SYNJ2: variants seen among roughly 807,000 people sequenced by gnomAD.
SYNJ2 encodes polyphosphatidylinositol phosphatase SYNJ2.
Under a neutral mutation model 141.3 loss-of-function variants are expected in SYNJ2, and 116 were observed. The ratio of observed to expected loss-of-function variants is 0.82; its 90% CI spans 0.71 to 0.96. The LOEUF (loss-of-function observed/expected upper bound fraction) is 0.96. Ranked by LOEUF, SYNJ2 falls within the 40% of genes least tolerant of loss-of-function variation. SYNJ2 has a pLI of 0.00. For missense variants in SYNJ2, 1,873 were observed against 1,934.8 expected (o/e 0.97, Z 0.60); for synonymous variants, 745 against 777.7 (o/e 0.96, Z 0.70).
At chr6:158,053,012 G>A (rs903838972) in intron 5 of SYNJ2, among the ~76,000 whole-genome samples, 20 of 152,022 alleles carry the variant, frequency 1.3e-4, no homozygotes, top group African/African-American at 4.4e-4. Context: ...TCTGTTCCTC[G>A]GCTTTCTGTC....
intron 7 of SYNJ2, among the ~76,000 whole-genome samples, chr6:158,061,588 G>A (rs1029151295): frequency 2.0e-5 from 3 of 152,140 alleles, no homozygotes; most frequent in Non-Finnish European, 2.9e-5. Flanking sequence ...CGGGGAGCTG[G>A]ATTATGAGCT....
intron 17 of SYNJ2, chr6:158,077,753 A>G (rs1351742046): frequency 6.6e-6 from 1 of 151,866 alleles, no homozygotes; most frequent in East Asian, 1.9e-4. Flanking sequence ...TTTCCTCTAG[A>G]TGAGTTTGTG....
chr6:158,017,405 CTTTTTTTTT>C (rs34667973), intron 2 of SYNJ2, 115 bp downstream of exon 2: 56 of 600,480 alleles, frequency 9.3e-5, no homozygotes, highest in Middle Eastern at 6.0e-4. Flanking sequence ...TCTCTCTCTT[CTTTTTTTTT>C]TTTTTTTTTT....
Position 158,093,052 on chromosome 6 carries a change from C to T in SYNJ2, c.3692C>T (p.Pro1231Leu). The T allele has an allele frequency of 2.5e-6, 4 of 1,608,882 alleles. No individual in the cohort carries two copies. Among genetic ancestry groups the T allele is most frequent in the Non-Finnish European group, 3.4e-6 (4 of 1,178,804 alleles). Residue 1231 changes from proline to leucine, a missense_variant, in exon 26 of 27, where the codon CCC (proline) becomes CTC (leucine). Coordinates refer to ENST00000355585, the MANE Select transcript of SYNJ2 (RefSeq NM_003898.4). ...PQAPPLLPRR[P>L]PPRVPAIKKP... is the part of the protein sequence containing the mutation. ...GCGCCCCCACTCCTTCCCCGTCGGC[C>T]CCCACCCAGAGTTCCTGCCATCAAG...
In SYNJ2 at chr6:158,064,661, G is replaced by A. The variant is rs149967912; in HGVS notation, c.1270G>A (p.Val424Met). ...TTCAAAACCCATCGTTGACCGCTTT[G>A]TGGAGTCCTTCAAAGCCATGTGGTC... Reference protein sequence around the residue: ...LSSKPIVDRFVESFKAMWSLN... With the variant: ...LSSKPIVDRFMESFKAMWSLN... Residue 424 changes from valine to methionine, a missense_variant, in exon 10 of 27, where the codon GTG (valine) becomes ATG (methionine). Transcript: ENST00000355585. The A allele has an allele frequency of 5.0e-6, 8 of 1,614,034 alleles. No homozygotes were observed. Among genetic ancestry groups the A allele is most frequent in the African/African-American group, 2.7e-5 (2 of 74,946 alleles).
At chr6:158,029,065 T>G (rs1779217924) in intron 3 of SYNJ2, 39 bp downstream of exon 3, 1 of 1,606,124 alleles carries the variant, frequency 6.2e-7, no homozygotes, top group Non-Finnish European at 8.5e-7. Context: ...GGGCCCTGGG[T>G]CTCCTGCAGA....
chr6:158,054,809 G>C (rs1162333603), intron 5 of SYNJ2, among the ~76,000 whole-genome samples, 158 bp from the exon 6 acceptor site: 1 of 152,258 alleles, frequency 6.6e-6, no homozygotes, highest in African/African-American at 2.4e-5. Flanking sequence ...GCTGAATCCA[G>C]AGAGCTCAGC....
chr6:158,047,442 A>G (rs2093475), intron 5 of SYNJ2, among the ~76,000 whole-genome samples: 54,387 of 151,990 alleles, frequency 0.36, 10,188 homozygotes, highest in Non-Finnish European at 0.39. Context: ...GGGGCTAACA[A>G]TATCTACCTT....
intron 4 of SYNJ2, among the ~76,000 whole-genome samples, chr6:158,037,527 G>A (rs1230985753): frequency 2.0e-5 from 3 of 150,440 alleles, no homozygotes; most frequent in Admixed American, 6.7e-5. Context: ...TCAGCCTCCT[G>A]AGTAGCTGGG....
At chr6:158,092,487 A>T (rs963816024) in intron 25 of SYNJ2, among the ~76,000 whole-genome samples, 4 of 152,188 alleles carry the variant, frequency 2.6e-5, no homozygotes, top group Non-Finnish European at 4.4e-5. Flanking sequence ...CAAAAATTTT[A>T]AAATTAGCTG....
rs61746418 is a variant in SYNJ2, at chr6:158,062,091, C to T, written c.1054C>T (p.Leu352Phe). Residue 352 changes from leucine (L) to phenylalanine (F), a missense_variant, in exon 8 of 27, where the codon CTC becomes TTC. By Grantham distance (22) the Leu-to-Phe change is conservative. Coordinates refer to ENST00000355585, the MANE Select transcript of SYNJ2 (RefSeq NM_003898.4). ...KGGKLEKLET[L>F]LRPQLKLHWE... Reference sequence around the variant, plus strand: ...TGGGAAGCTAGAGAAATTGGAGACCCTCTTGAGGCCACAGTTAAAGCTGCA... The same window carrying T: ...TGGGAAGCTAGAGAAATTGGAGACCTTCTTGAGGCCACAGTTAAAGCTGCA... 2 of 1,614,068 alleles carry T rather than the reference C, an allele frequency of 1.2e-6. No individual in the cohort carries two copies. Among genetic ancestry groups the T allele is most frequent in the Admixed American group, 1.7e-5 (1 of 60,010 alleles).
At chr6:158,088,964 G>GA (rs1285950255) in intron 24 of SYNJ2, among the ~76,000 whole-genome samples, 192 bp downstream of exon 24, 9 of 152,204 alleles carry the variant, frequency 5.9e-5, no homozygotes, top group South Asian at 2.1e-4. Context: ...GAGTGTTCTA[G>GA]AAAAAATCAC....
intron 4 of SYNJ2, among the ~76,000 whole-genome samples, chr6:158,039,516 A>T (rs1037436546): frequency 6.6e-6 from 1 of 152,188 alleles, no homozygotes; most frequent in African/African-American, 2.4e-5. Context: ...CCCTCAGGGG[A>T]GCCTGGCACT....
intron 1 of SYNJ2, among the ~76,000 whole-genome samples, chr6:157,993,706 A>G (rs982595224): frequency 9.6e-5 from 8 of 83,362 alleles, no homozygotes; most frequent in African/African-American, 4.7e-4. Flanking sequence ...TCATTCTTGC[A>G]TAGCTTTTTT....
chr6:157,998,784 A>C (rs1053257708), intron 1 of SYNJ2, among the ~76,000 whole-genome samples: 1 of 152,246 alleles, frequency 6.6e-6, no homozygotes, highest in East Asian at 1.9e-4. Flanking sequence ...GAAGTGTAAC[A>C]TACATAGAGA....
In SYNJ2 at chr6:157,982,449, T is replaced by C. The variant is rs1338371944; in HGVS notation, c.127+361T>C. On this transcript the variant is annotated intron_variant, in intron 1 of 26. Coordinates refer to ENST00000355585, the MANE Select transcript of SYNJ2 (RefSeq NM_003898.4). This position sits in a 1 kb window ranked among gnomAD's most constrained non-coding sequence, Gnocchi z 4.0. Reference sequence around the variant, plus strand: ...TGCCTGGCGCCTTTTCTTTTGCACCTGTTGATGAAACCAGTGATTGCCCTT... The same window carrying C: ...TGCCTGGCGCCTTTTCTTTTGCACCCGTTGATGAAACCAGTGATTGCCCTT... Among the ~76,000 whole-genome samples the C allele has an allele frequency of 6.6e-6, 1 of 152,198 alleles. No individual in the cohort carries two copies. Among genetic ancestry groups the C allele is most frequent in the Non-Finnish European group, 1.5e-5 (1 of 68,028 alleles).
rs754883657 is a variant in SYNJ2 at position 158,095,687 on chromosome 6, G to A, written c.3814G>A (p.Val1272Ile). Residue 1272 changes from valine (V) to isoleucine (I), a missense_variant, in exon 27 of 27, where the codon GTT (valine) becomes ATT (isoleucine). By Grantham distance (29) the Val-to-Ile change is conservative. Coordinates refer to ENST00000355585, the MANE Select transcript of SYNJ2 (RefSeq NM_003898.4). ...TACAATCGGGCCCCCGGAGACAAGC[G>A]TTGAGGCCCCTCCTGTCGTGACAGC... ...HFTIGPPETS[V>I]EAPPVVTAPR... is the part of the protein sequence containing the mutation. 25 of 1,613,990 alleles carry A rather than the reference G, an allele frequency of 1.5e-5. No individual in the cohort carries two copies. The highest frequency in any genetic ancestry group is 6.7e-5 in the East Asian group (3 of 44,898).
At chr6:158,068,981 C>T (rs571120727) in intron 13 of SYNJ2, among the ~76,000 whole-genome samples, 14 of 152,266 alleles carry the variant, frequency 9.2e-5, no homozygotes, top group Non-Finnish European at 1.5e-4. Context: ...GCTCTGGCCT[C>T]GGCCACTTGT....
At chr6:158,047,674 G>C (rs1034661931) in intron 5 of SYNJ2, among the ~76,000 whole-genome samples, 1 of 150,816 alleles carries the variant, frequency 6.6e-6, no homozygotes, top group African/African-American at 2.4e-5. Context: ...TTATTCAGGA[G>C]GCTGAGGCAG....
Sources: gnomAD v4.1 joint callset for allele counts (sites outside exome capture counted in the v4.1 genomes callset) on GRCh38, gnomAD v4.1.1 for gene constraint, Gnocchi (gnomAD v3.1) non-coding constraint, MANE v1.5 for transcripts, NCBI Gene and HGNC (gene_info 2026-07-23, HGNC 2026-07-21) for gene names.